ACSS3: variants seen among roughly 807,000 people sequenced by gnomAD.
The protein encoded by ACSS3 is acyl-CoA synthetase short-chain family member 3, mitochondrial.
A neutral mutation model predicts 84.2 loss-of-function variants in ACSS3; 64 were observed. The ratio of observed to expected loss-of-function variants is 0.76; its 90% CI spans 0.62 to 0.94. The LOEUF is 0.94. Ranked by LOEUF, ACSS3 falls within the 40% of genes least tolerant of loss-of-function variation. ACSS3 has a pLI of 0.00. For missense variants in ACSS3, 815 were observed against 867.6 expected, an observed-to-expected ratio of 0.94 and a Z score of 0.76; for synonymous variants, 317 against 310.1, an observed-to-expected ratio of 1.02 and a Z score of -0.23.
intron 1 of ACSS3, 118 bp downstream of exon 1, chr12:81,078,549 G>T: frequency 1.8e-6 from 2 of 1,107,834 alleles, no homozygotes; most frequent in South Asian, 2.7e-5. Flanking sequence ...AACTGGAGAT[G>T]TGTTCAGACC....
intron 7 of ACSS3, among the ~76,000 whole-genome samples, chr12:81,160,113 G>A (rs570722560): frequency 6.6e-6 from 1 of 152,306 alleles, no homozygotes; most frequent in East Asian, 1.9e-4. Flanking sequence ...AATGTTAGTA[G>A]TTACTGTTTC....
chr12:81,105,924 G>T (rs1325732569), intron 1 of ACSS3, among the ~76,000 whole-genome samples: 2 of 152,216 alleles, frequency 1.3e-5, no homozygotes, highest in African/African-American at 4.8e-5. Context: ...CTTGGGGAGG[G>T]TGGTGGTAAA....
intron 1 of ACSS3, among the ~76,000 whole-genome samples, chr12:81,089,871 T>C (rs939035728): frequency 6.6e-6 from 1 of 152,062 alleles, no homozygotes; most frequent in Non-Finnish European, 1.5e-5. Flanking sequence ...TTTATAATAC[T>C]GTAAACAAAT....
At chr12:81,251,597 C>T (rs961526149) in intron 13 of ACSS3, among the ~76,000 whole-genome samples, 1 of 143,460 alleles carries the variant, frequency 7.0e-6, no homozygotes, top group East Asian at 2.0e-4. Flanking sequence ...TTTGGGAGGC[C>T]GAAGCAGGTA....
At position 81,181,202 on chromosome 12, in the gene ACSS3, A is replaced by G. The variant is rs117495332; in HGVS notation, c.1250+6263A>G. Among the ~76,000 whole-genome samples, 12 of 152,274 alleles carry G rather than the reference A, an allele frequency of 7.9e-5. No homozygotes were observed. The East Asian group carries it at 2.1e-3, about 27-fold the overall frequency. On this transcript the variant is annotated intron_variant, in intron 8 of 15. Transcript: ENST00000548058. The stretch of plus-strand genomic sequence containing the variant: ...CAGTAGGATCTCTAAAGCCCTTATC[A>G]TAATAGCCTACACAATCAATATCAC...
chr12:81,154,924 T>C (rs1337267902), intron 7 of ACSS3, among the ~76,000 whole-genome samples: 5 of 152,170 alleles, frequency 3.3e-5, no homozygotes, highest in African/African-American at 1.2e-4. Context: ...CCTACTCTCC[T>C]TGTAGACTCT....
rs142679854 is a variant in ACSS3 at position 81,240,781 on chromosome 12, T to G, written c.1719+7310T>G. Among the ~76,000 whole-genome samples the G allele has an allele frequency of 3.0e-3, 450 of 152,160 alleles. 1 individual carries two copies. The highest frequency in any genetic ancestry group is 4.9e-3 in the Non-Finnish European group (336 of 67,972). ...TGTTTACAACTAACCAAATCCAGAC[T>G]CAAATAATACATATTACTTCATGGG... On this transcript the variant is annotated intron_variant, in intron 13 of 15. Transcript: ENST00000548058.
chr12:81,219,651 G>A (rs2033036797), intron 10 of ACSS3, among the ~76,000 whole-genome samples: 1 of 152,012 alleles, frequency 6.6e-6, no homozygotes, highest in Non-Finnish European at 1.5e-5. Flanking sequence ...ATTTTTTGGT[G>A]TGTTTGAAAA....
At chr12:81,117,747 A>G (rs1163581584) in intron 2 of ACSS3, among the ~76,000 whole-genome samples, 1 of 152,298 alleles carries the variant, frequency 6.6e-6, no homozygotes, top group East Asian at 1.9e-4. Context: ...AGTAGATAAC[A>G]TTGGAAACAA....
At chr12:81,191,133 C>T (rs952560832) in intron 8 of ACSS3, among the ~76,000 whole-genome samples, 2 of 151,994 alleles carry the variant, frequency 1.3e-5, no homozygotes, top group Non-Finnish European at 2.9e-5. Context: ...CTATGAACAT[C>T]TCACATTATG....
At chr12:81,203,288 C>T (rs1422620392) in intron 9 of ACSS3, among the ~76,000 whole-genome samples, 2 of 152,204 alleles carry the variant, frequency 1.3e-5, no homozygotes, top group African/African-American at 4.8e-5. Context: ...ATGGTGCCCA[C>T]TCGCACTGAG....
At chr12:81,184,489 A>G (rs1383528837) in intron 8 of ACSS3, among the ~76,000 whole-genome samples, 1 of 151,828 alleles carries the variant, frequency 6.6e-6, no homozygotes, top group Non-Finnish European at 1.5e-5. Flanking sequence ...ATAATTAATA[A>G]AACTAAAGTT....
Position 81,139,341 on chromosome 12 carries a change from A to C in ACSS3, c.780+76A>C, listed in dbSNP as rs1885967303. 5 of 1,515,250 alleles carry C rather than the reference A, an allele frequency of 3.3e-6. No individual in the cohort carries two copies. In the East Asian group the frequency reaches 1.1e-4, roughly 34 times the overall value. The allele number at this position is 1,515,250 out of a possible 1,614,324, so 93.9% of individuals were successfully genotyped here. ...GAGTTTAGTTTTTACCATTTAAAAG[A>C]GACATTTGATTTATAAGCTATTAAG... is the stretch of plus-strand genomic sequence containing the variant. On this transcript the variant is annotated intron_variant, in intron 4 of 15. Coordinates refer to ENST00000548058, the MANE Select transcript of ACSS3 (RefSeq NM_024560.4).
intron 1 of ACSS3, among the ~76,000 whole-genome samples, chr12:81,108,396 G>A (rs1565979767): frequency 1.3e-5 from 2 of 151,884 alleles, no homozygotes; most frequent in East Asian, 1.9e-4. Flanking sequence ...CTCTGCCTCA[G>A]CCTCCCGAGT....
At chr12:81,167,108 C>G (rs903783405) in intron 7 of ACSS3, among the ~76,000 whole-genome samples, 1 of 152,148 alleles carries the variant, frequency 6.6e-6, no homozygotes, top group East Asian at 1.9e-4. Context: ...TGTCAGAGTC[C>G]CTAATTTGCT....
chr12:81,215,388 T>C (rs995715977), intron 9 of ACSS3, among the ~76,000 whole-genome samples: 14 of 152,212 alleles, frequency 9.2e-5, no homozygotes, highest in African/African-American at 3.1e-4. Context: ...GAACTGTGTT[T>C]TGATGTTCAA....
intron 7 of ACSS3, among the ~76,000 whole-genome samples, chr12:81,164,140 T>A (rs1055345910): frequency 3.3e-5 from 5 of 152,170 alleles, no homozygotes; most frequent in Non-Finnish European, 7.4e-5. Context: ...CCTATGTAGG[T>A]GTAGCATTTT....
intron 2 of ACSS3, among the ~76,000 whole-genome samples, chr12:81,111,548 A>G (rs1318335731): frequency 6.6e-6 from 1 of 152,182 alleles, no homozygotes; most frequent in African/African-American, 2.4e-5. Context: ...ACCTAAAGCA[A>G]AGGGCCTCGA....
At chr12:81,194,057 CT>C (rs2031705925) in intron 8 of ACSS3, among the ~76,000 whole-genome samples, 1 of 151,366 alleles carries the variant, frequency 6.6e-6, no homozygotes, top group Non-Finnish European at 1.5e-5. Context: ...AGGAATTTAG[CT>C]GTTGAAAAGG....
Sources: allele counts gnomAD v4.1 joint callset (sites outside exome capture counted in the v4.1 genomes callset), GRCh38; gene constraint gnomAD v4.1.1; transcripts MANE v1.5; gene names NCBI Gene and HGNC (gene_info 2026-07-23, HGNC 2026-07-21).